Variants in BMAL2 observed in about 807,000 individuals in gnomAD.
The protein encoded by BMAL2 is basic helix-loop-helix ARNT-like protein 2.
At chr12:27,339,263 C>T in the BMAL2 span, among the ~76,000 whole-genome samples, 1 of 152,150 alleles carries the variant, frequency 6.6e-6, no homozygotes, top group African/African-American at 2.4e-5. Context: ...CCTCCAGTTC[C>T]ATTGATGTTC....
the BMAL2 span, among the ~76,000 whole-genome samples, chr12:27,404,138 A>C: frequency 6.8e-6 from 1 of 147,880 alleles, no homozygotes; most frequent in Non-Finnish European, 1.5e-5. Context: ...GTCAGCTGTG[A>C]TCCTGCCACT....
At chr12:27,417,434 T>G in the BMAL2 span, among the ~76,000 whole-genome samples, 4 of 152,214 alleles carry the variant, frequency 2.6e-5, no homozygotes, top group African/African-American at 9.7e-5. Context: ...TCCTTACATA[T>G]GCACCTTCAG....
chr12:27,392,689 T>C, the BMAL2 span, among the ~76,000 whole-genome samples: 187 of 152,266 alleles, frequency 1.2e-3, no homozygotes, highest in African/African-American at 4.2e-3. Flanking sequence ...GAGGAAAACA[T>C]GACAGCCAAT....
At chr12:27,414,935 C>T in the BMAL2 span, among the ~76,000 whole-genome samples, 5 of 151,920 alleles carry the variant, frequency 3.3e-5, no homozygotes, top group African/African-American at 7.3e-5. Flanking sequence ...TGAATGAACT[C>T]GCAGGACATT....
the BMAL2 span, chr12:27,333,168 G>A: frequency 4.2e-6 from 5 of 1,196,548 alleles, no homozygotes; most frequent in African/African-American, 8.0e-5. Flanking sequence ...CGCTGGGGGC[G>A]TCCCCGCGAC....
At chr12:27,370,287 T>C in the BMAL2 span, 92 of 1,358,364 alleles carry the variant, frequency 6.8e-5, no homozygotes, top group African/African-American at 1.3e-3. Flanking sequence ...GGGCATAGAG[T>C]GGCAGTGAAA....
the BMAL2 span, among the ~76,000 whole-genome samples, chr12:27,383,581 T>G: frequency 2.6e-5 from 4 of 152,130 alleles, no homozygotes; most frequent in African/African-American, 9.7e-5. Context: ...ATGGCTGATG[T>G]ACACCGACGG....
chr12:27,424,483 T>C, the BMAL2 span: 7 of 152,250 alleles, frequency 4.6e-5, no homozygotes, highest in African/African-American at 1.7e-4. Flanking sequence ...ATAGAGACTT[T>C]TAGTAAATAA....
At chr12:27,332,903 G>T in the BMAL2 span, 4 of 270,674 alleles carry the variant, frequency 1.5e-5, no homozygotes, top group Admixed American at 1.2e-4. Flanking sequence ...GCGGGGCGGC[G>T]TCCCGTGCGC....
the BMAL2 span, among the ~76,000 whole-genome samples, chr12:27,405,520 C>T: frequency 2.0e-5 from 3 of 152,206 alleles, no homozygotes; most frequent in Non-Finnish European, 4.4e-5. Context: ...AACTCCAACA[C>T]ACCTGCAGCT....
the BMAL2 span, chr12:27,402,572 T>G: frequency 1.3e-6 from 2 of 1,487,350 alleles, no homozygotes; most frequent in Non-Finnish European, 9.3e-7. Context: ...CTATAACAGT[T>G]TCCTTCACCT....
At chr12:27,350,312 G>T in the BMAL2 span, among the ~76,000 whole-genome samples, 1 of 152,252 alleles carries the variant, frequency 6.6e-6, no homozygotes, top group African/African-American at 2.4e-5. Flanking sequence ...GTTATCCCTC[G>T]CCCACAAAGG....
the BMAL2 span, among the ~76,000 whole-genome samples, chr12:27,335,914 GAGA>G: frequency 1.3e-5 from 2 of 152,184 alleles, no homozygotes; most frequent in Non-Finnish European, 2.9e-5. Context: ...ATATCAGTAG[GAGA>G]ATACAGTGAT....
chr12:27,414,604 A>G, the BMAL2 span, among the ~76,000 whole-genome samples: 1 of 152,208 alleles, frequency 6.6e-6, no homozygotes, highest in African/African-American at 2.4e-5. Context: ...CTTGAGAAAA[A>G]TGAAAGTGGA....
At chr12:27,370,233 A>G in the BMAL2 span, 1 of 1,607,764 alleles carries the variant, frequency 6.2e-7, no homozygotes, top group Non-Finnish European at 8.5e-7. Flanking sequence ...GGCAGCAGGT[A>G]AGTCCTGGAC....
the BMAL2 span, chr12:27,389,040 A>C: frequency 1.4e-6 from 1 of 700,154 alleles, no homozygotes; most frequent in East Asian, 2.5e-5. Flanking sequence ...CATTAAGTTC[A>C]TGTCACACAG....
the BMAL2 span, among the ~76,000 whole-genome samples, chr12:27,383,222 G>C: frequency 6.6e-6 from 1 of 152,232 alleles, no homozygotes; most frequent in South Asian, 2.1e-4. Context: ...ACATCTGTGA[G>C]ATAGGGATGC....
At chr12:27,405,167 T>G in the BMAL2 span, among the ~76,000 whole-genome samples, 1 of 152,152 alleles carries the variant, frequency 6.6e-6, no homozygotes, top group African/African-American at 2.4e-5. Context: ...ACTCCATCTC[T>G]GGGGGCAGGG....
chr12:27,400,263 A>G, the BMAL2 span, among the ~76,000 whole-genome samples: 1 of 152,168 alleles, frequency 6.6e-6, no homozygotes, highest in African/African-American at 2.4e-5. Context: ...TAAGTCATAG[A>G]CCTAGTTAAT....
Sources: allele counts gnomAD v4.1 joint callset (sites outside exome capture counted in the v4.1 genomes callset), GRCh38; gene constraint gnomAD v4.1.1; transcripts MANE v1.5; gene names NCBI Gene and HGNC (gene_info 2026-07-23, HGNC 2026-07-21).